Variants in MAN1A2 observed in about 807,000 individuals in gnomAD.
MAN1A2 encodes mannosidase alpha class 1A member 2, also known as mannosyl-oligosaccharide 1,2-alpha-mannosidase IB.
MAN1A2 carries 26 observed loss-of-function variants against 75.7 expected under a neutral mutation model. The observed-to-expected ratio is 0.34, with a 90% CI of 0.25 to 0.48. The LOEUF is 0.48. Among genes scored for constraint, MAN1A2 ranks in the 20% least tolerant of loss-of-function variants. The probability of loss-of-function intolerance (pLI) is 0.99; values close to 1 mark genes in which losing one functional copy is unlikely to be tolerated. For synonymous variants in MAN1A2, 247 were observed against 264.6 expected, an observed-to-expected ratio of 0.93 and a Z score of 0.65; for missense variants, 562 against 775.5, an observed-to-expected ratio of 0.72 and a Z score of 3.27.
chr1:117,417,534 A>AATTTTTATATATATATATAT (rs1648034379), intron 4 of MAN1A2, among the ~76,000 whole-genome samples: 1 of 89,218 alleles, frequency 1.1e-5, no homozygotes, highest in African/African-American at 4.5e-5. Flanking sequence ...CTTGAGTTTA[A>AATTTTTATATATATATATAT]ATATATATAT....
At chr1:117,410,485 C>T (rs1312282890) in intron 3 of MAN1A2, among the ~76,000 whole-genome samples, 6 of 151,428 alleles carry the variant, frequency 4.0e-5, no homozygotes, top group Non-Finnish European at 8.9e-5. Context: ...ATGCAAAATA[C>T]CCCCCACATA....
intron 4 of MAN1A2, among the ~76,000 whole-genome samples, chr1:117,419,463 A>T (rs1648116670): frequency 6.6e-6 from 1 of 152,038 alleles, no homozygotes; most frequent in Admixed American, 6.6e-5. Flanking sequence ...CTTTGCTTTC[A>T]TGGTGGGATG....
At chr1:117,409,303 A>G (rs1235288017) in intron 3 of MAN1A2, among the ~76,000 whole-genome samples, 2 of 151,974 alleles carry the variant, frequency 1.3e-5, no homozygotes, top group Non-Finnish European at 2.9e-5. Flanking sequence ...TGAGGTTTTG[A>G]TATATTTTCA....
At chr1:117,496,656 T>TTA (rs1651043932) in intron 9 of MAN1A2, 107 bp from the exon 10 acceptor site, 1 of 779,490 alleles carries the variant, frequency 1.3e-6, no homozygotes, top group South Asian at 1.7e-5. Flanking sequence ...AGTTACTACT[T>TTA]TATAGACTAT....
rs1198966444 is a variant in MAN1A2, at chr1:117,391,616, C to A, written c.303-10570C>A. On this transcript the variant is annotated intron_variant, in intron 1 of 12. Transcript: ENST00000356554. ...AAACTTTATTGAGTTACTTTACACA[C>A]TGTAAAATTTACCCATGTTAACTGT... 1.3e-5 allele frequency among the ~76,000 whole-genome samples: 2 copies of A among 152,178 alleles called. 1 individual carries two copies. The highest frequency in any genetic ancestry group is 2.9e-5 in the Non-Finnish European group (2 of 68,020).
chr1:117,502,846 C>T lies in MAN1A2; in HGVS notation c.1678-9C>T. ...CGGAATTGCTTATTTTGTCTGATCT[C>T]TTTCATAGGCCATTGAAAAGTATTG... is the stretch of plus-strand genomic sequence containing the variant. On this transcript the variant is annotated splice_polypyrimidine_tract_variant and intron_variant, in intron 11 of 12. Coordinates refer to ENST00000356554, the MANE Select transcript of MAN1A2 (RefSeq NM_006699.5). 1 of 1,467,312 alleles carries T rather than the reference C, an allele frequency of 6.8e-7. No individual in the cohort carries two copies. The highest frequency in any genetic ancestry group is 9.5e-7 in the Non-Finnish European group (1 of 1,051,736). 90.9% of individuals were successfully genotyped at this position (1,467,312 alleles called of 1,614,324 possible). A position where few individuals can be genotyped will look rare whatever the true frequency, so the allele number is the denominator to read the frequency against.
intron 12 of MAN1A2, among the ~76,000 whole-genome samples, chr1:117,512,389 A>G (rs940802692): frequency 2.6e-5 from 4 of 152,076 alleles, no homozygotes; most frequent in African/African-American, 9.7e-5. Flanking sequence ...CTCTTAAAAC[A>G]TGGGATGCTG....
chr1:117,527,506 A>T lies in MAN1A2; in HGVS notation c.*4549A>T, dbSNP rs942286122. The T allele has an allele frequency of 6.6e-6, 1 of 152,008 alleles. No individual in the cohort carries two copies. The highest frequency in any genetic ancestry group is 2.4e-5 in the African/African-American group (1 of 41,418). The allele number at this position is 152,008 out of a possible 1,614,324, so 9.4% of individuals were successfully genotyped here. The stretch of plus-strand genomic sequence containing the variant: ...GTGTGTATCTGTATAACCTAAAGCT[A>T]TAATATTTTGTTGTCTTGAAAGCAG... On this transcript the variant is annotated 3_prime_UTR_variant, in exon 13 of 13. Transcript: ENST00000356554.
Position 117,367,541 on chromosome 1 carries a change from T to G in MAN1A2, c.-643T>G, listed in dbSNP as rs1375844195. Reference sequence around the variant, plus strand: ...ATTGCCCTTCGCGCCAGCCGTCGAGTGGGCAGCAGCGGGACTCAGCCGGGC... The same window carrying G: ...ATTGCCCTTCGCGCCAGCCGTCGAGGGGGCAGCAGCGGGACTCAGCCGGGC... On this transcript the variant is annotated 5_prime_UTR_variant, in exon 1 of 13. Coordinates refer to ENST00000356554, the MANE Select transcript of MAN1A2 (RefSeq NM_006699.5). 6.6e-6 allele frequency: 1 copy of G among 152,178 alleles called. No homozygotes were observed. The highest frequency in any genetic ancestry group is 1.5e-5 in the Non-Finnish European group (1 of 68,142). The allele number at this position is 152,178 out of a possible 1,614,324, so 9.4% of individuals were successfully genotyped here. A position where few individuals can be genotyped will look rare whatever the true frequency, so the allele number is the denominator to read the frequency against.
At chr1:117,459,464 A>G (rs771147818) in intron 6 of MAN1A2, among the ~76,000 whole-genome samples, 10 of 152,334 alleles carry the variant, frequency 6.6e-5, no homozygotes, top group Admixed American at 2.6e-4. Context: ...CTGGCTTCCA[A>G]CTGAAATTCC....
At chr1:117,471,098 G>A (rs1650139773) in intron 8 of MAN1A2, among the ~76,000 whole-genome samples, 1 of 151,212 alleles carries the variant, frequency 6.6e-6, no homozygotes, top group Non-Finnish European at 1.5e-5. Flanking sequence ...AATGATTAAA[G>A]TGAAGAAAAT....
At chr1:117,432,327 T>A (rs1267723724) in intron 5 of MAN1A2, among the ~76,000 whole-genome samples, 1 of 151,168 alleles carries the variant, frequency 6.6e-6, no homozygotes, top group African/African-American at 2.4e-5. Flanking sequence ...AGGAAAATAT[T>A]ACAAAGTCGA....
chr1:117,410,623 G>GA lies in MAN1A2; in HGVS notation c.656-4078dup, dbSNP rs544835333. On this transcript the variant is annotated intron_variant, in intron 3 of 12. Coordinates refer to ENST00000356554, the MANE Select transcript of MAN1A2 (RefSeq NM_006699.5). Reference sequence around the variant, plus strand: ...TGCACTAAGGCAGAAAAAAGAAAAAGAAAAAAAAAAAAGAATAAAGATTGG... The same window carrying GA: ...TGCACTAAGGCAGAAAAAAGAAAAAGAAAAAAAAAAAAAGAATAAAGATTGG... Among the ~76,000 whole-genome samples the GA allele has an allele frequency of 6.1e-3, 740 of 121,290 alleles. 4 individuals carry two copies. The highest frequency in any genetic ancestry group is 9.5e-3 in the Non-Finnish European group (529 of 55,750). The allele number at this position is 121,290 out of a possible 152,430, so 79.6% of individuals were successfully genotyped here. A position where few individuals can be genotyped will look rare whatever the true frequency, so the allele number is the denominator to read the frequency against.
intron 12 of MAN1A2, among the ~76,000 whole-genome samples, chr1:117,504,009 T>C (rs1040762110): frequency 6.6e-6 from 1 of 151,356 alleles, no homozygotes; most frequent in Non-Finnish European, 1.5e-5. Context: ...TTTATTTTGC[T>C]CCCTCCTTTC....
chr1:117,411,729 A>G (rs983685667), intron 3 of MAN1A2, among the ~76,000 whole-genome samples: 3 of 151,832 alleles, frequency 2.0e-5, no homozygotes, highest in Non-Finnish European at 3.0e-5. Flanking sequence ...AATAGCCAGT[A>G]AGCACATCAA....
At chr1:117,400,410 T>C (rs1361413470) in intron 1 of MAN1A2, among the ~76,000 whole-genome samples, 2 of 151,750 alleles carry the variant, frequency 1.3e-5, no homozygotes, top group African/African-American at 2.4e-5. Context: ...TACAGGTTTA[T>C]GATTTAACAC....
intron 5 of MAN1A2, among the ~76,000 whole-genome samples, chr1:117,430,053 C>T (rs868495866): frequency 1.3e-3 from 43 of 32,998 alleles, no homozygotes; most frequent in Non-Finnish European, 1.8e-3. Context: ...ACCTCCCTCC[C>T]GGACGGGGCG....
At chr1:117,460,027 CT>C (rs1649764721) in intron 6 of MAN1A2, among the ~76,000 whole-genome samples, 1 of 148,944 alleles carries the variant, frequency 6.7e-6, no homozygotes, top group Non-Finnish European at 1.5e-5. Context: ...GGGCATTCCA[CT>C]TGAGAATCAT....
chr1:117,373,162 T>G (rs1653024529), intron 1 of MAN1A2, among the ~76,000 whole-genome samples: 1 of 152,000 alleles, frequency 6.6e-6, no homozygotes, highest in Admixed American at 6.6e-5. Flanking sequence ...TTTTTTTTGC[T>G]TGATTCAGTT....
Sources: allele counts gnomAD v4.1 joint callset (sites outside exome capture counted in the v4.1 genomes callset), GRCh38; gene constraint gnomAD v4.1.1; transcripts MANE v1.5; gene names NCBI Gene and HGNC (gene_info 2026-07-23, HGNC 2026-07-21).